Variants in JADE3 observed in about 807,000 individuals in gnomAD.
JADE3 encodes protein Jade-3.
Under a neutral mutation model 50.1 loss-of-function variants are expected in JADE3, and 2 were observed. That is an observed-to-expected ratio of 0.04 (90% confidence interval 0.02 to 0.13). JADE3 has a LOEUF of 0.13. Among genes scored for constraint, JADE3 ranks in the 10% least tolerant of loss-of-function variants. The probability of loss-of-function intolerance (pLI) is 1.00; values close to 1 mark genes in which losing one functional copy is unlikely to be tolerated. For synonymous variants in JADE3, 218 were observed against 232.9 expected, an observed-to-expected ratio of 0.94 and a Z score of 0.58; for missense variants, 475 against 634.4, an observed-to-expected ratio of 0.75 and a Z score of 2.70.
At chrX:47,022,226 C>T (rs1161164274) in intron 4 of JADE3, among the ~76,000 whole-genome samples, 1 of 112,151 alleles carries the variant, frequency 8.9e-6, no homozygotes, top group Non-Finnish European at 1.9e-5. Flanking sequence ...CATATTTAAT[C>T]TCATAGTCTC....
chrX:47,003,341 C>T (rs1247721120), intron 4 of JADE3, among the ~76,000 whole-genome samples: 1 of 109,988 alleles, frequency 9.1e-6, no homozygotes, highest in African/African-American at 3.3e-5. Flanking sequence ...TGGCCTTTCC[C>T]TTATGACCTT....
chrX:47,035,004 A>G (rs888732977), intron 7 of JADE3, among the ~76,000 whole-genome samples: 3 of 111,224 alleles, frequency 2.7e-5, no homozygotes, highest in African/African-American at 9.8e-5. Flanking sequence ...TTTTATCATT[A>G]TCTAGCCTGG....
At chrX:46,916,069 G>T (rs1405902364) in intron 1 of JADE3, among the ~76,000 whole-genome samples, 2 of 111,746 alleles carry the variant, frequency 1.8e-5, no homozygotes, top group East Asian at 5.6e-4. Flanking sequence ...GTTTTGTTTT[G>T]TTTTGTTTTG....
At chrX:46,935,074 T>C (rs782097213) in intron 1 of JADE3, among the ~76,000 whole-genome samples, 17 of 110,743 alleles carry the variant, frequency 1.5e-4, no homozygotes, top group African/African-American at 4.9e-4. Context: ...GCTGGTATTA[T>C]AGGTGCCCAC....
chrX:46,968,833 A>G (rs782711783), intron 1 of JADE3, among the ~76,000 whole-genome samples: 34 of 111,521 alleles, frequency 3.0e-4, no homozygotes, highest in Middle Eastern at 4.6e-3. Context: ...CAAACCCACA[A>G]TTATGCTTGA....
chrX:46,966,092 A>G (rs188025977), intron 1 of JADE3, among the ~76,000 whole-genome samples: 24 of 112,178 alleles, frequency 2.1e-4, no homozygotes, highest in Admixed American at 1.1e-3. Context: ...AGATTATTTT[A>G]GAGGTTAACT....
At chrX:46,935,826 CTTTTTTTT>C (rs142025908) in intron 1 of JADE3, among the ~76,000 whole-genome samples, 21 of 62,735 alleles carry the variant, frequency 3.3e-4, no homozygotes, top group African/African-American at 1.4e-3. Flanking sequence ...AAGTCTTTCA[CTTTTTTTT>C]TTTTTTTTTT....
At chrX:47,042,945 G>A (rs782717965) in intron 8 of JADE3, among the ~76,000 whole-genome samples, 66 of 111,891 alleles carry the variant, frequency 5.9e-4, no homozygotes, top group South Asian at 3.7e-4. Flanking sequence ...CAGTCCCAGT[G>A]GTGGTGGCCA....
intron 1 of JADE3, among the ~76,000 whole-genome samples, chrX:46,929,650 G>A (rs1489526244): frequency 1.8e-5 from 2 of 111,981 alleles, no homozygotes; most frequent in African/African-American, 6.5e-5. Flanking sequence ...TGCACAGTAA[G>A]TAGTGTGTGT....
intron 8 of JADE3, among the ~76,000 whole-genome samples, chrX:47,043,327 G>A (rs1980281630): frequency 8.9e-6 from 1 of 112,096 alleles, no homozygotes; most frequent in Non-Finnish European, 1.9e-5. Flanking sequence ...ACATCCACAA[G>A]CATCAAGACC....
At chrX:46,952,337 T>C (rs1927022569) in intron 1 of JADE3, among the ~76,000 whole-genome samples, 1 of 112,311 alleles carries the variant, frequency 8.9e-6, no homozygotes, top group Admixed American at 9.4e-5. Context: ...CATCTCACTT[T>C]CTGTGGGGTG....
Position 46,928,549 on chromosome X carries a change from TA to T in JADE3, c.-12+15839del, listed in dbSNP as rs782387599. 9.0e-4 allele frequency among the ~76,000 whole-genome samples: 100 copies of T among 111,004 alleles called. 1 individual carries two copies. In the East Asian group the frequency reaches 0.021, roughly 23 times the overall value. Reference sequence around the variant, plus strand: ...ACCAAATATCGATTATCATTTTGTGTAAAAAAAAATTACATGTAACATGTTC... The same window carrying T: ...ACCAAATATCGATTATCATTTTGTGTAAAAAAAATTACATGTAACATGTTC... On this transcript the variant is annotated intron_variant, in intron 1 of 10. Transcript: ENST00000614628.
intron 1 of JADE3, among the ~76,000 whole-genome samples, chrX:46,931,457 T>G (rs782504712): frequency 9.0e-6 from 1 of 110,815 alleles, no homozygotes; most frequent in East Asian, 2.8e-4. Context: ...GTCTTGCTCT[T>G]GTTGCCCAGG....
intron 1 of JADE3, among the ~76,000 whole-genome samples, chrX:46,965,034 T>TA (rs1927339516): frequency 8.9e-6 from 1 of 111,790 alleles, no homozygotes; most frequent in Non-Finnish European, 1.9e-5. Flanking sequence ...GATAATAAAG[T>TA]AAAAAATTAG....
intron 1 of JADE3, among the ~76,000 whole-genome samples, chrX:46,950,720 C>T (rs1324371118): frequency 8.9e-6 from 1 of 111,989 alleles, no homozygotes; most frequent in Non-Finnish European, 1.9e-5. Context: ...TGCCAGTTTT[C>T]CAAGGTGGCT....
intron 8 of JADE3, among the ~76,000 whole-genome samples, chrX:47,046,491 A>C (rs782043409): frequency 8.9e-6 from 1 of 112,129 alleles, no homozygotes; most frequent in Non-Finnish European, 1.9e-5. Context: ...AACTATTCCA[A>C]AAAATAGAAG....
intron 1 of JADE3, among the ~76,000 whole-genome samples, chrX:46,927,921 C>T (rs913325443): frequency 8.9e-6 from 1 of 111,950 alleles, no homozygotes; most frequent in African/African-American, 3.2e-5. Context: ...GAAGACTACC[C>T]ATTCACTCAC....
At chrX:46,975,908 C>T (rs1927615928) in intron 1 of JADE3, among the ~76,000 whole-genome samples, 1 of 107,322 alleles carries the variant, frequency 9.3e-6, no homozygotes, top group East Asian at 2.9e-4. Context: ...TTAGTAGAGA[C>T]GCGGTTTCAC....
At chrX:46,924,954 C>T (rs1039503165) in intron 1 of JADE3, among the ~76,000 whole-genome samples, 4 of 111,857 alleles carry the variant, frequency 3.6e-5, no homozygotes, top group African/African-American at 1.3e-4. Context: ...TGAGTGCCCA[C>T]TGTACTATGA....
Sources: gnomAD v4.1 joint callset for allele counts (sites outside exome capture counted in the v4.1 genomes callset) on GRCh38, gnomAD v4.1.1 for gene constraint, MANE v1.5 for transcripts, NCBI Gene and HGNC (gene_info 2026-07-23, HGNC 2026-07-21) for gene names.